The following THSD4 variants were observed in gnomAD, a reference collection of about 807,000 sequenced individuals.
THSD4 encodes thrombospondin type 1 domain containing 4.
In THSD4, 69 loss-of-function variants were observed where a neutral mutation model predicts 119.0. The observed-to-expected ratio is 0.58, with a 90% confidence interval of 0.48 to 0.71. The LOEUF is 0.71. Among genes scored for constraint, THSD4 ranks in the 30% least tolerant of loss-of-function variants. THSD4 has a pLI of 0.00. For synonymous variants in THSD4, 524 were observed against 540.4 expected (o/e 0.97, Z 0.42); for missense variants, 1,393 against 1,391.1 (o/e 1.00, Z -0.02).
intron 7 of THSD4, among the ~76,000 whole-genome samples, chr15:71,511,855 TTTAATAC>T (rs1229779663): frequency 1.3e-5 from 2 of 152,350 alleles, no homozygotes; most frequent in Admixed American, 1.3e-4. Flanking sequence ...AAGCTTGGTA[TTTAATAC>T]ACATCCCCCA....
chr15:71,249,530 T>G (rs1287492076), intron 5 of THSD4, among the ~76,000 whole-genome samples: 1 of 149,788 alleles, frequency 6.7e-6, no homozygotes, highest in Non-Finnish European at 1.5e-5. Flanking sequence ...ACACACACAT[T>G]TATATACACA....
chr15:71,664,218 G>A (rs1199467275), intron 8 of THSD4, among the ~76,000 whole-genome samples: 2 of 151,934 alleles, frequency 1.3e-5, no homozygotes, highest in Non-Finnish European at 2.9e-5. Flanking sequence ...TCCTGACCTC[G>A]TGATCCGCCC....
intron 3 of THSD4, among the ~76,000 whole-genome samples, chr15:71,207,782 AAC>A (rs1298835317): frequency 6.6e-6 from 1 of 152,176 alleles, no homozygotes; most frequent in African/African-American, 2.4e-5. Context: ...TTTGAGATGG[AAC>A]AGTTTCATCC....
intron 6 of THSD4, among the ~76,000 whole-genome samples, chr15:71,364,038 G>A (rs539492367): frequency 6.6e-6 from 1 of 152,294 alleles, no homozygotes; most frequent in South Asian, 2.1e-4. Context: ...ATAGAAGATG[G>A]TTGAACTCTA....
At chr15:71,534,186 G>A (rs753213294) in intron 7 of THSD4, among the ~76,000 whole-genome samples, 15 of 152,138 alleles carry the variant, frequency 9.9e-5, no homozygotes, top group Non-Finnish European at 1.9e-4. Flanking sequence ...CTGGGCTCAA[G>A]CAATCCTCCC....
intron 7 of THSD4, among the ~76,000 whole-genome samples, chr15:71,588,714 G>A (rs565570335): frequency 1.3e-5 from 2 of 152,164 alleles, no homozygotes; most frequent in African/African-American, 2.4e-5. Flanking sequence ...GATTATAGGC[G>A]TGAGCCACCA....
chr15:71,423,650 C>T (rs1031482882), intron 7 of THSD4, among the ~76,000 whole-genome samples: 8 of 152,292 alleles, frequency 5.3e-5, no homozygotes, highest in Admixed American at 1.3e-4. Context: ...TTGGAGGAGG[C>T]GGAGTGTAAA....
intron 3 of THSD4, among the ~76,000 whole-genome samples, chr15:71,199,699 GGTGTC>G (rs2043767063): frequency 6.1e-4 from 34 of 56,104 alleles, no homozygotes; most frequent in Admixed American, 9.3e-4. Context: ...TGGTGTGTGT[GGTGTC>G]TGGGTGTGTG....
chr15:71,237,481 G>C (rs909324322), intron 4 of THSD4, among the ~76,000 whole-genome samples: 12 of 152,188 alleles, frequency 7.9e-5, no homozygotes, highest in African/African-American at 2.9e-4. Context: ...ATCCGGACTT[G>C]AGTGTGTTGA....
intron 6 of THSD4, among the ~76,000 whole-genome samples, chr15:71,340,767 G>A (rs555716201): frequency 5.9e-5 from 9 of 152,082 alleles, no homozygotes; most frequent in African/African-American, 2.2e-4. Context: ...CACCACACCT[G>A]GCTAATATTT....
At chr15:71,157,770 A>G (rs1360114011) in intron 3 of THSD4, among the ~76,000 whole-genome samples, 1 of 148,906 alleles carries the variant, frequency 6.7e-6, no homozygotes, top group Non-Finnish European at 1.5e-5. Context: ...CTTTAAACAT[A>G]ATAACCTCCA....
intron 7 of THSD4, among the ~76,000 whole-genome samples, chr15:71,594,325 C>T (rs2049867056): frequency 6.6e-6 from 1 of 152,076 alleles, no homozygotes; most frequent in South Asian, 2.1e-4. Flanking sequence ...TCTCCTGCCT[C>T]AGCTTCCCCA....
At chr15:71,157,937 A>G (rs1419634679) in intron 3 of THSD4, among the ~76,000 whole-genome samples, 1 of 152,078 alleles carries the variant, frequency 6.6e-6, no homozygotes, top group Non-Finnish European at 1.5e-5. Context: ...ATAGTGCTGC[A>G]GTAAACATAG....
intron 8 of THSD4, among the ~76,000 whole-genome samples, chr15:71,708,862 A>G (rs1385494629): frequency 6.6e-6 from 1 of 152,182 alleles, no homozygotes; most frequent in Non-Finnish European, 1.5e-5. Context: ...TTTTCTCAGC[A>G]CTGTGGCAAA....
chr15:71,437,839 G>T (rs1197686281), intron 7 of THSD4, among the ~76,000 whole-genome samples: 1 of 152,222 alleles, frequency 6.6e-6, no homozygotes. Flanking sequence ...CAATGTATGA[G>T]AGTGGTTTGC....
chr15:71,657,827 G>T (rs1182556743), intron 7 of THSD4, among the ~76,000 whole-genome samples: 1 of 152,120 alleles, frequency 6.6e-6, no homozygotes, highest in Non-Finnish European at 1.5e-5. Flanking sequence ...ATCTGGTGGG[G>T]GTGTGTCCAT....
chr15:71,203,789 A>T (rs2043821935), intron 3 of THSD4, among the ~76,000 whole-genome samples: 1 of 152,184 alleles, frequency 6.6e-6, no homozygotes, highest in Non-Finnish European at 1.5e-5. Context: ...TTTGTTGAAC[A>T]CTTGCTGCGT....
At chr15:71,693,294 A>G (rs2052092380) in intron 8 of THSD4, among the ~76,000 whole-genome samples, 1 of 152,208 alleles carries the variant, frequency 6.6e-6, no homozygotes, top group Non-Finnish European at 1.5e-5. Context: ...AGGAGGTCCA[A>G]GTCTCATGAT....
At chr15:71,471,402 T>C (rs1039800567) in intron 7 of THSD4, among the ~76,000 whole-genome samples, 1 of 151,972 alleles carries the variant, frequency 6.6e-6, no homozygotes, top group African/African-American at 2.4e-5. Flanking sequence ...CTTAATACTT[T>C]CTGTTTCATC....
Sources: gnomAD v4.1 joint callset for allele counts (sites outside exome capture counted in the v4.1 genomes callset) on GRCh38, gnomAD v4.1.1 for gene constraint, MANE v1.5 for transcripts, NCBI Gene and HGNC (gene_info 2026-07-23, HGNC 2026-07-21) for gene names.